Variants in COG7 observed in about 807,000 individuals in gnomAD.
COG7 encodes conserved oligomeric Golgi complex subunit 7.
Under a neutral mutation model 91.5 loss-of-function variants are expected in COG7, and 49 were observed. The observed-to-expected ratio is 0.54, with a 90% CI of 0.43 to 0.68. The LOEUF (loss-of-function observed/expected upper bound fraction) is 0.68, where lower values mean the gene tolerates loss of function less well. Among genes scored for constraint, COG7 ranks in the 30% least tolerant of loss-of-function variants. The pLI is 0.00. For synonymous variants in COG7, 365 were observed against 388.7 expected (o/e 0.94, Z 0.72); for missense variants, 895 against 961.3 (o/e 0.93, Z 0.91).
chr16:23,427,065 AAAGT>A (rs1479624339), intron 6 of COG7, among the ~76,000 whole-genome samples: 1 of 152,104 alleles, frequency 6.6e-6, no homozygotes, highest in Non-Finnish European at 1.5e-5. Context: ...CCTGGGCAAC[AAAGT>A]AAGATCCTGT....
intron 8 of COG7, among the ~76,000 whole-genome samples, 198 bp downstream of exon 8, chr16:23,418,502 C>G (rs1207182186): frequency 6.6e-6 from 1 of 152,132 alleles, no homozygotes; most frequent in African/African-American, 2.4e-5. Flanking sequence ...GATGGAGACT[C>G]TGTCTCAATC....
intron 6 of COG7, among the ~76,000 whole-genome samples, chr16:23,425,349 T>G (rs1416405483): frequency 6.6e-6 from 1 of 152,098 alleles, no homozygotes; most frequent in Non-Finnish European, 1.5e-5. Context: ...AAAACTTTTT[T>G]GAGACAGGGT....
At chr16:23,395,234 G>A (rs747340944) in intron 14 of COG7, among the ~76,000 whole-genome samples, 9 of 152,202 alleles carry the variant, frequency 5.9e-5, no homozygotes, top group South Asian at 2.1e-4. Flanking sequence ...AACAGCTACT[G>A]TAAATTTCAG....
At position 23,388,840 on chromosome 16, in the gene COG7, CAG is replaced by C. The variant is rs1202502627; in HGVS notation, c.*78_*79del. On this transcript the variant is annotated 3_prime_UTR_variant, in exon 17 of 17. Coordinates refer to ENST00000307149, the MANE Select transcript of COG7 (RefSeq NM_153603.4). Reference sequence around the variant, plus strand: ...AAAGTAACTTCTGCCCAATCTTGGGCAGAGTTTCTGAGCAAATCTGTGCTGGT... The same window carrying C: ...AAAGTAACTTCTGCCCAATCTTGGGCAGTTTCTGAGCAAATCTGTGCTGGT... 17 of 1,605,924 alleles carry C rather than the reference CAG, an allele frequency of 1.1e-5. No homozygotes were observed. Among genetic ancestry groups the C allele is most frequent in the Non-Finnish European group, 1.4e-5 (16 of 1,177,136 alleles).
At chr16:23,443,062 A>G (rs964425522) in intron 3 of COG7, among the ~76,000 whole-genome samples, 1 of 152,102 alleles carries the variant, frequency 6.6e-6, no homozygotes, top group Non-Finnish European at 1.5e-5. Flanking sequence ...CTGTACTCAA[A>G]TAAATGCAAA....
chr16:23,404,626 T>C (rs1596916669), intron 12 of COG7, among the ~76,000 whole-genome samples: 1 of 152,156 alleles, frequency 6.6e-6, no homozygotes, highest in African/African-American at 2.4e-5. Flanking sequence ...TGGATAATTT[T>C]CTACTGCATC....
At chr16:23,390,854 C>G (rs1963183733) in intron 16 of COG7, among the ~76,000 whole-genome samples, 1 of 152,266 alleles carries the variant, frequency 6.6e-6, no homozygotes, top group African/African-American at 2.4e-5. Context: ...CAGGCACGTA[C>G]TTACTCCTTT....
intron 6 of COG7, among the ~76,000 whole-genome samples, chr16:23,431,248 T>C (rs1172471449): frequency 1.3e-5 from 2 of 152,138 alleles, no homozygotes; most frequent in Non-Finnish European, 2.9e-5. Flanking sequence ...AGGAGACACA[T>C]GTGCCCTGGC....
intron 8 of COG7, 81 bp downstream of exon 8, chr16:23,418,618 AC>A: frequency 7.3e-7 from 1 of 1,374,622 alleles, no homozygotes; most frequent in South Asian, 1.2e-5. Flanking sequence ...CCGGATCCCA[AC>A]CCCCAGCCCT....
chr16:23,401,751 C>T (rs527649192), intron 13 of COG7, among the ~76,000 whole-genome samples: 5 of 151,218 alleles, frequency 3.3e-5, no homozygotes, highest in South Asian at 2.1e-4. Flanking sequence ...GAGTATCTTT[C>T]GTGGAGAAAA....
At chr16:23,406,328 C>G in intron 11 of COG7, 66 bp from the exon 12 acceptor site, 2 of 1,323,918 alleles carry the variant, frequency 1.5e-6, no homozygotes, top group Middle Eastern at 1.8e-4. Flanking sequence ...TTGGAGCAGT[C>G]AGATTGCTCC....
intron 4 of COG7, among the ~76,000 whole-genome samples, chr16:23,440,692 G>C (rs538619664): frequency 5.3e-5 from 8 of 152,046 alleles, no homozygotes; most frequent in African/African-American, 1.9e-4. Flanking sequence ...CCTGGGCTCA[G>C]GCGATCCTCC....
intron 13 of COG7, among the ~76,000 whole-genome samples, chr16:23,398,440 C>G (rs149482075): frequency 6.6e-6 from 1 of 152,304 alleles, no homozygotes; most frequent in African/African-American, 2.4e-5. Flanking sequence ...GAGATTGTAA[C>G]AGGAGAAAGT....
chr16:23,392,675 A>G (rs1399866806), intron 15 of COG7, 152 bp from the exon 16 acceptor site: 1 of 881,200 alleles, frequency 1.1e-6, no homozygotes, highest in Non-Finnish European at 1.8e-6. Context: ...CATGCCTGTA[A>G]TCCCAGCACT....
chr16:23,398,007 G>C (rs1567328735), intron 14 of COG7, 39 bp downstream of exon 14: 6 of 1,550,222 alleles, frequency 3.9e-6, no homozygotes, highest in Non-Finnish European at 5.3e-6. Flanking sequence ...AGGTCTGAAA[G>C]ACTTGGACCA....
intron 13 of COG7, among the ~76,000 whole-genome samples, chr16:23,402,249 T>C (rs999791189): frequency 6.6e-6 from 1 of 152,146 alleles, no homozygotes; most frequent in African/African-American, 2.4e-5. Context: ...GCCTTTAACA[T>C]GTATAGGCGT....
chr16:23,407,150 C>G (rs1007181098), intron 11 of COG7, among the ~76,000 whole-genome samples: 4 of 152,216 alleles, frequency 2.6e-5, no homozygotes, highest in African/African-American at 4.8e-5. Context: ...TTGAGTTGTT[C>G]AAGAAATGCC....
At chr16:23,413,368 T>C in intron 10 of COG7, 80 bp downstream of exon 10, 5 of 845,616 alleles carry the variant, frequency 5.9e-6, no homozygotes, top group Middle Eastern at 2.2e-4. Flanking sequence ...CCAAACACAT[T>C]TGTCATTTTT....
chr16:23,403,854 A>C lies in COG7; in HGVS notation c.1663-20T>G. On this transcript the variant is annotated intron_variant, in intron 12 of 16. Transcript: ENST00000307149. ...TTTTTCCTAAGACAAGAAAATGCAA[A>C]AGGCAGTTGTTAGGCCTGAAACCCA... 1 of 1,614,122 alleles carries C rather than the reference A, an allele frequency of 6.2e-7. No homozygotes were observed. Among genetic ancestry groups the C allele is most frequent in the African/African-American group, 1.3e-5 (1 of 75,044 alleles).
Sources: gnomAD v4.1 joint callset for allele counts (sites outside exome capture counted in the v4.1 genomes callset) on GRCh38, gnomAD v4.1.1 for gene constraint, MANE v1.5 for transcripts, NCBI Gene and HGNC (gene_info 2026-07-23, HGNC 2026-07-21) for gene names.